NLRP13: variants seen among roughly 807,000 people sequenced by gnomAD.
The protein encoded by NLRP13 is NACHT, LRR and PYD domains-containing protein 13.
In NLRP13, 82 loss-of-function variants were observed where a neutral mutation model predicts 94.4. The observed-to-expected ratio is 0.87, with a 90% CI of 0.73 to 1.04. The LOEUF (loss-of-function observed/expected upper bound fraction) is 1.04. Among genes scored for constraint, NLRP13 ranks in the 50% least tolerant of loss-of-function variants. The pLI is 0.00. For missense variants in NLRP13, 1,426 were observed against 1,230.8 expected, an observed-to-expected ratio of 1.16 and a Z score of -2.37; for synonymous variants, 553 against 464.7, an observed-to-expected ratio of 1.19 and a Z score of -2.45.
At chr19:55,896,153 G>GTCC in intron 10 of NLRP13, 34 bp from the exon 11 acceptor site, 2 of 1,605,466 alleles carry the variant, frequency 1.2e-6, no homozygotes, top group South Asian at 2.2e-5. Context: ...ACAACAGATA[G>GTCC]TCCTCTGAGA....
At chr19:55,907,300 C>T (rs1986382355) in intron 7 of NLRP13, among the ~76,000 whole-genome samples, 1 of 152,104 alleles carries the variant, frequency 6.6e-6, no homozygotes, top group Non-Finnish European at 1.5e-5. Context: ...GGGCCGGGCA[C>T]ATTGACTCAC....
intron 10 of NLRP13, among the ~76,000 whole-genome samples, chr19:55,898,049 G>A (rs1386453858): frequency 1.3e-5 from 2 of 152,136 alleles, no homozygotes; most frequent in African/African-American, 2.4e-5. Context: ...GGAGCAGGCT[G>A]CGCTCCCCTC....
Position 55,924,728 on chromosome 19 carries a change from C to T in NLRP13, c.389-70G>A, listed in dbSNP as rs149358972. The stretch of plus-strand genomic sequence containing the variant: ...AAAATGGGCCAGCAATAATGGAAGC[C>T]CCCAGTAGAACCAACTTTTTCTATG... On this transcript the variant is annotated intron_variant, in intron 2 of 10. Transcript: ENST00000342929. The T allele has an allele frequency of 3.6e-6, 5 of 1,395,232 alleles. 1 individual carries two copies. The African/African-American group carries it at 5.7e-5, about 16-fold the overall frequency. The allele number at this position is 1,395,232 out of a possible 1,614,324, so 86.4% of individuals were successfully genotyped here.
Position 55,912,827 on chromosome 19 carries a change from C to G in NLRP13, c.990G>C (p.Ser330=), listed in dbSNP as rs116162869. The change falls in exon 5 of 11, where the codon TCG becomes TCC. Residue 330 remains serine (S), a synonymous_variant. Transcript: ENST00000342929. ...GCTCCTGGTACCAGTCTGTACATGG[C>G]GAGCCATCATCCAAGCTCTCAGAGC... ...ESRSESLDDG[S]PCTDWYQELP... 18 of 1,614,044 alleles carry G rather than the reference C, an allele frequency of 1.1e-5. No individual in the cohort carries two copies. The highest frequency in any genetic ancestry group is 1.1e-5 in the Non-Finnish European group (13 of 1,180,012).
intron 9 of NLRP13, among the ~76,000 whole-genome samples, chr19:55,899,182 C>T (rs957379770): frequency 3.9e-5 from 6 of 151,998 alleles, no homozygotes. Context: ...CCCGCAGGTG[C>T]ATGAACGTGA....
chr19:55,899,658 C>T (rs1023704825), intron 9 of NLRP13, among the ~76,000 whole-genome samples: 3 of 152,002 alleles, frequency 2.0e-5, no homozygotes, highest in African/African-American at 2.4e-5. Context: ...CGGGTGCCTG[C>T]AATCCCAGCT....
intron 7 of NLRP13, among the ~76,000 whole-genome samples, chr19:55,907,233 C>T (rs1986379840): frequency 1.3e-5 from 2 of 152,044 alleles, no homozygotes; most frequent in African/African-American, 4.8e-5. Context: ...GCCGGGATTA[C>T]AGGCATGAGC....
chr19:55,916,647 G>A (rs893739091), intron 4 of NLRP13, among the ~76,000 whole-genome samples: 5 of 152,112 alleles, frequency 3.3e-5, no homozygotes, highest in East Asian at 1.9e-4. Context: ...AAGGTCTTTT[G>A]AATTAATTTA....
intron 10 of NLRP13, among the ~76,000 whole-genome samples, chr19:55,896,853 G>C (rs1024102847): frequency 7.4e-6 from 1 of 134,684 alleles, no homozygotes; most frequent in Non-Finnish European, 1.6e-5. Context: ...AAATGGAAAA[G>C]AGTGGAGTAC....
At chr19:55,929,540 C>T (rs1427461954) in intron 1 of NLRP13, among the ~76,000 whole-genome samples, 1 of 152,162 alleles carries the variant, frequency 6.6e-6, no homozygotes, top group Non-Finnish European at 1.5e-5. Flanking sequence ...AAACCAAACA[C>T]CGCATGTTCT....
chr19:55,910,371 T>C (rs537439157), intron 6 of NLRP13, among the ~76,000 whole-genome samples, 192 bp downstream of exon 6: 85 of 152,326 alleles, frequency 5.6e-4, no homozygotes, highest in African/African-American at 1.9e-3. Flanking sequence ...AGATCATTCT[T>C]GATAGATCGG....
downstream of NLRP13, among the ~76,000 whole-genome samples, chr19:55,892,869 T>C (rs535593410): frequency 9.8e-5 from 15 of 152,308 alleles, 1 homozygote; most frequent in African/African-American, 3.6e-4. Context: ...CATGGTTTCA[T>C]TCCTTTTTAG....
At chr19:55,926,343 A>G (rs1232655810) in intron 1 of NLRP13, among the ~76,000 whole-genome samples, 1 of 152,228 alleles carries the variant, frequency 6.6e-6, no homozygotes, top group Non-Finnish European at 1.5e-5. Flanking sequence ...AAGGTTAAAA[A>G]TTAGTAAGTT....
chr19:55,930,874 T>TTTTATATATATATATA (rs55900335), intron 1 of NLRP13, among the ~76,000 whole-genome samples: 43 of 70,188 alleles, frequency 6.1e-4, no homozygotes, highest in African/African-American at 2.8e-3. Context: ...GAATCAGTGA[T>TTTTATATATATATATA]TATATATATA....
intron 4 of NLRP13, among the ~76,000 whole-genome samples, chr19:55,918,910 C>T (rs933454785): frequency 6.6e-6 from 1 of 151,812 alleles, no homozygotes; most frequent in East Asian, 1.9e-4. Context: ...CAAAGCTCAA[C>T]AAGGACACAA....
chr19:55,919,619 T>C (rs1475661910), intron 4 of NLRP13, among the ~76,000 whole-genome samples: 2 of 149,970 alleles, frequency 1.3e-5, no homozygotes, highest in African/African-American at 2.4e-5. Flanking sequence ...TACAATAGCT[T>C]AAAAAAAAAC....
intron 4 of NLRP13, among the ~76,000 whole-genome samples, chr19:55,917,979 G>A (rs1006137195): frequency 6.6e-6 from 1 of 151,954 alleles, no homozygotes; most frequent in African/African-American, 2.4e-5. Flanking sequence ...TCAGTGCATG[G>A]AACATTCCTT....
intron 4 of NLRP13, among the ~76,000 whole-genome samples, chr19:55,919,650 C>T (rs1015774392): frequency 7.9e-5 from 12 of 151,450 alleles, no homozygotes; most frequent in African/African-American, 2.7e-4. Flanking sequence ...TATATTCAAC[C>T]AAAGAGGTGA....
At chr19:55,919,714 G>A (rs1263263840) in intron 4 of NLRP13, among the ~76,000 whole-genome samples, 1 of 151,808 alleles carries the variant, frequency 6.6e-6, no homozygotes, top group African/African-American at 2.4e-5. Context: ...GATGACACAA[G>A]TAATGCTCGT....
Sources: gnomAD v4.1 joint callset for allele counts (sites outside exome capture counted in the v4.1 genomes callset) on GRCh38, gnomAD v4.1.1 for gene constraint, MANE v1.5 for transcripts, NCBI Gene and HGNC (gene_info 2026-07-23, HGNC 2026-07-21) for gene names.